The following ZNF90 variants were observed in gnomAD, a reference collection of about 807,000 sequenced individuals.
The protein encoded by ZNF90 is zinc finger protein HTF9.
A neutral mutation model predicts 12.0 loss-of-function variants in ZNF90; 11 were observed. The ratio of observed to expected loss-of-function variants is 0.92; its 90% CI spans 0.58 to 1.52. The LOEUF (loss-of-function observed/expected upper bound fraction) is 1.52, where lower values mean the gene tolerates loss of function less well. ZNF90 is among the 40% of genes most tolerant of loss of function. The pLI is 0.00. For synonymous variants in ZNF90, 232 were observed against 240.1 expected (o/e 0.97, Z 0.31); for missense variants, 765 against 711.5 (o/e 1.08, Z -0.86).
At chr19:20,094,252 C>T (rs2088924967) in intron 1 of ZNF90, among the ~76,000 whole-genome samples, 1 of 152,200 alleles carries the variant, frequency 6.6e-6, no homozygotes, top group Non-Finnish European at 1.5e-5. Flanking sequence ...TATTATTGTG[C>T]ACCTTGAAGG....
intron 1 of ZNF90, among the ~76,000 whole-genome samples, chr19:20,100,629 G>A (rs1240115086): frequency 3.3e-5 from 5 of 152,246 alleles, no homozygotes; most frequent in Non-Finnish European, 7.4e-5. Context: ...TCAGCAGGAA[G>A]AAGTTAAGAG....
Position 20,107,847 on chromosome 19 carries a change from A to G in ZNF90, c.226+2531A>G, listed in dbSNP as rs185334053. ...CATAATTATTGGGCACCCAATATTT[A>G]ACTAAATATGATAAATAACTAAAAT... On this transcript the variant is annotated intron_variant, in intron 3 of 3. Coordinates refer to ENST00000418063, the MANE Select transcript of ZNF90 (RefSeq NM_007138.2). Among the ~76,000 whole-genome samples the G allele has an allele frequency of 4.6e-5, 7 of 152,320 alleles. No homozygotes were observed. The East Asian group carries it at 1.2e-3, about 25-fold the overall frequency.
intron 1 of ZNF90, among the ~76,000 whole-genome samples, chr19:20,088,270 G>C (rs976275678): frequency 2.2e-4 from 33 of 152,162 alleles, no homozygotes; most frequent in South Asian, 1.0e-3. Flanking sequence ...GGGATTGGGG[G>C]GGCGTGGGAA....
At chr19:20,104,407 G>A in intron 2 of ZNF90, 42 bp downstream of exon 2, 1 of 1,544,876 alleles carries the variant, frequency 6.5e-7, no homozygotes, top group East Asian at 2.3e-5. Context: ...ATACCCTAAA[G>A]GTTGTTTTTA....
intron 3 of ZNF90, among the ~76,000 whole-genome samples, chr19:20,115,316 A>G (rs2089127404): frequency 6.6e-6 from 1 of 152,010 alleles, no homozygotes; most frequent in African/African-American, 2.4e-5. Flanking sequence ...AATTATACAT[A>G]TAAAATTTTA....
At chr19:20,117,398 TCC>T (rs2089148655) in intron 3 of ZNF90, among the ~76,000 whole-genome samples, 1 of 98,932 alleles carries the variant, frequency 1.0e-5, no homozygotes, top group African/African-American at 8.5e-5. Flanking sequence ...TTTTCTTTTC[TCC>T]TTCCTTCCTT....
chr19:20,100,816 T>C (rs2088983486), intron 1 of ZNF90, among the ~76,000 whole-genome samples: 1 of 151,918 alleles, frequency 6.6e-6, no homozygotes, highest in Middle Eastern at 3.2e-3. Context: ...ATCTGACAAA[T>C]CAGGTAGTAA....
At position 20,118,965 on chromosome 19, in the gene ZNF90, CATAAG is replaced by C. The variant is rs782203097; in HGVS notation, c.1417_1421del (p.Ile473SerfsTer3). 28 of 1,611,542 alleles carry C rather than the reference CATAAG, an allele frequency of 1.7e-5. No homozygotes were observed. Among genetic ancestry groups the C allele is most frequent in the East Asian group, 1.1e-4 (5 of 44,806 alleles). ...CAAGCGCTCCTCAAACCTTACTACACATAAGATAAGTCATACTGAAGAGAAACTCT... is the reference window on the plus strand; with the variant it reads ...CAAGCGCTCCTCAAACCTTACTACACATAAGTCATACTGAAGAGAAACTCT... On this transcript the variant is annotated frameshift_variant, in exon 4 of 4. Coordinates refer to ENST00000418063, the MANE Select transcript of ZNF90 (RefSeq NM_007138.2). LOFTEE classifies it low-confidence loss of function (END_TRUNC).
intron 3 of ZNF90, among the ~76,000 whole-genome samples, chr19:20,111,594 AGTTAT>A (rs1555705121): frequency 2.0e-5 from 3 of 152,044 alleles, no homozygotes; most frequent in African/African-American, 7.2e-5. Flanking sequence ...TGTTTCTAAT[AGTTAT>A]GTTCTCATTT....
intron 1 of ZNF90, among the ~76,000 whole-genome samples, chr19:20,103,990 A>G (rs2122506108): frequency 6.6e-6 from 1 of 152,308 alleles, no homozygotes; most frequent in South Asian, 2.1e-4. Context: ...TCATGCCCTT[A>G]ATTTTATAAT....
intron 3 of ZNF90, among the ~76,000 whole-genome samples, chr19:20,111,986 G>T (rs1180425540): frequency 6.6e-6 from 1 of 151,678 alleles, no homozygotes; most frequent in Non-Finnish European, 1.5e-5. Flanking sequence ...AGCCTCCTGT[G>T]TAGCTGGGAT....
In ZNF90 at chr19:20,090,700, T is replaced by A. The variant is rs146000768; in HGVS notation, c.3+12565T>A. ...TTTCCTGTCTAGCCTGCTGGAGGACTGGAAGATAGTCACCTAGAGGGCTGG... is the reference window on the plus strand; with the variant it reads ...TTTCCTGTCTAGCCTGCTGGAGGACAGGAAGATAGTCACCTAGAGGGCTGG... On this transcript the variant is annotated intron_variant, in intron 1 of 3. Coordinates refer to ENST00000418063, the MANE Select transcript of ZNF90 (RefSeq NM_007138.2). 2.6e-4 allele frequency among the ~76,000 whole-genome samples: 39 copies of A among 152,258 alleles called. No individual in the cohort carries two copies. The East Asian group carries it at 6.2e-3, about 24-fold the overall frequency.
rs781927617 is a variant in ZNF90 at position 20,105,324 on chromosome 19, C to T, written c.226+8C>T. The T allele has an allele frequency of 3.0e-5, 48 of 1,597,656 alleles. No homozygotes were observed. Among genetic ancestry groups the T allele is most frequent in the East Asian group, 2.3e-4 (10 of 44,158 alleles). ...TGATTGCCAAATCCCCAGGTAGGTG[C>T]GAGTGAAAATGAATACAACAGACAA... On this transcript the variant is annotated splice_region_variant and intron_variant, in intron 3 of 3. Coordinates refer to ENST00000418063, the MANE Select transcript of ZNF90 (RefSeq NM_007138.2).
intron 3 of ZNF90, among the ~76,000 whole-genome samples, chr19:20,114,041 G>A (rs1180194877): frequency 2.6e-5 from 4 of 151,882 alleles, no homozygotes; most frequent in Non-Finnish European, 2.9e-5. Flanking sequence ...GCCTGTAATC[G>A]CATCACTTTC....
At chr19:20,088,781 A>C (rs2088879531) in intron 1 of ZNF90, among the ~76,000 whole-genome samples, 2 of 152,238 alleles carry the variant, frequency 1.3e-5, no homozygotes, top group South Asian at 4.1e-4. Flanking sequence ...GTCATTACAC[A>C]GGCTACAGAA....
In ZNF90 at chr19:20,090,565, T is replaced by G. The variant is rs182658821; in HGVS notation, c.3+12430T>G. 2.9e-3 allele frequency among the ~76,000 whole-genome samples: 443 copies of G among 151,890 alleles called. 2 individuals are homozygous for G. The highest frequency in any genetic ancestry group is 0.01 in the African/African-American group (429 of 41,378). On this transcript the variant is annotated intron_variant, in intron 1 of 3. Coordinates refer to ENST00000418063, the MANE Select transcript of ZNF90 (RefSeq NM_007138.2). ...CTAAGTAGGGTCCCGTCCATCGAGG[T>G]TGTAGAGTTTGAGGGGTCAGATTCT...
intron 1 of ZNF90, among the ~76,000 whole-genome samples, chr19:20,078,377 C>T (rs1053279611): frequency 2.6e-5 from 4 of 152,084 alleles, no homozygotes; most frequent in Non-Finnish European, 5.9e-5. Flanking sequence ...CAGCTCTGCA[C>T]CCACAGCGCT....
intron 1 of ZNF90, among the ~76,000 whole-genome samples, chr19:20,086,016 A>T (rs543042905): frequency 2.4e-4 from 36 of 152,308 alleles, no homozygotes; most frequent in African/African-American, 8.2e-4. Context: ...AAAGATACTA[A>T]ATTTCTTTGT....
chr19:20,101,363 G>T (rs1216183460), intron 1 of ZNF90, among the ~76,000 whole-genome samples: 1 of 152,204 alleles, frequency 6.6e-6, no homozygotes, highest in Admixed American at 6.5e-5. Flanking sequence ...AAGAACCCCA[G>T]GTCAGAGAAC....
Sources: gnomAD v4.1 joint callset for allele counts (sites outside exome capture counted in the v4.1 genomes callset) on GRCh38, gnomAD v4.1.1 for gene constraint, MANE v1.5 for transcripts, NCBI Gene and HGNC (gene_info 2026-07-23, HGNC 2026-07-21) for gene names.